Variants in PTPRM observed in about 807,000 individuals in gnomAD.
The protein encoded by PTPRM is receptor-type tyrosine-protein phosphatase mu.
Under a neutral mutation model 186.7 loss-of-function variants are expected in PTPRM, and 47 were observed. The observed-to-expected ratio is 0.25, with a 90% CI of 0.20 to 0.32. The LOEUF is 0.32. Among genes scored for constraint, PTPRM ranks in the 10% least tolerant of loss-of-function variants. PTPRM has a pLI of 1.00. For missense variants in PTPRM, 1,494 were observed against 1,865.0 expected, an observed-to-expected ratio of 0.80 and a Z score of 3.66; for synonymous variants, 668 against 674.9, an observed-to-expected ratio of 0.99 and a Z score of 0.16.
intron 2 of PTPRM, among the ~76,000 whole-genome samples, chr18:7,813,630 C>T (rs1321670159): frequency 6.6e-6 from 1 of 152,036 alleles, no homozygotes; most frequent in African/African-American, 2.4e-5. Context: ...CTTCTCTTAT[C>T]TCTTTAGTTT....
intron 3 of PTPRM, among the ~76,000 whole-genome samples, chr18:7,901,759 G>A (rs554326393): frequency 5.3e-5 from 8 of 152,326 alleles, no homozygotes; most frequent in Non-Finnish European, 1.0e-4. Flanking sequence ...TCAGACTACT[G>A]TATGGCATCT....
At chr18:8,007,349 G>A (rs2147828910) in intron 7 of PTPRM, among the ~76,000 whole-genome samples, 1 of 152,190 alleles carries the variant, frequency 6.6e-6, no homozygotes, top group Non-Finnish European at 1.5e-5. Context: ...GCAGGTAAGA[G>A]AATCATGTGG....
intron 1 of PTPRM, among the ~76,000 whole-genome samples, chr18:7,736,151 G>T (rs1357699898): frequency 6.6e-6 from 1 of 151,888 alleles, no homozygotes; most frequent in Non-Finnish European, 1.5e-5. Context: ...GCTTTTTTTG[G>T]TCAACACTCA....
chr18:7,649,811 T>TGG (rs1460396652), intron 1 of PTPRM, among the ~76,000 whole-genome samples: 1 of 151,810 alleles, frequency 6.6e-6, no homozygotes, highest in African/African-American at 2.4e-5. Flanking sequence ...ATTACCCTCA[T>TGG]CAGCCAGCAG....
chr18:7,913,747 C>T (rs894807686), intron 4 of PTPRM, among the ~76,000 whole-genome samples: 8 of 152,104 alleles, frequency 5.3e-5, no homozygotes, highest in Non-Finnish European at 1.0e-4. Flanking sequence ...ATATATGATG[C>T]CTTCAATTCT....
chr18:8,089,826 G>A (rs558695333), intron 11 of PTPRM, among the ~76,000 whole-genome samples: 17 of 152,092 alleles, frequency 1.1e-4, no homozygotes, highest in African/African-American at 2.7e-4. Flanking sequence ...TGGAGGTTTC[G>A]GTTCATAAAG....
chr18:7,932,756 A>C (rs2051564417), intron 5 of PTPRM, among the ~76,000 whole-genome samples: 1 of 152,136 alleles, frequency 6.6e-6, no homozygotes, highest in Non-Finnish European at 1.5e-5. Context: ...AGAGTTTGGC[A>C]TTTATTATAA....
intron 26 of PTPRM, chr18:8,376,888 A>G: frequency 3.3e-6 from 1 of 307,292 alleles, no homozygotes; most frequent in Non-Finnish European, 6.0e-6. Context: ...TCAGACTTTC[A>G]ATACCATTTC....
At chr18:8,278,634 G>A (rs999377716) in intron 19 of PTPRM, among the ~76,000 whole-genome samples, 1 of 152,120 alleles carries the variant, frequency 6.6e-6, no homozygotes, top group Non-Finnish European at 1.5e-5. Flanking sequence ...GAAGTTATTG[G>A]GTATGTGCAA....
intron 14 of PTPRM, among the ~76,000 whole-genome samples, chr18:8,220,189 T>C (rs745413238): frequency 6.6e-6 from 1 of 152,070 alleles, no homozygotes; most frequent in Non-Finnish European, 1.5e-5. Flanking sequence ...GGGAAGGAGA[T>C]AAAAGATTAG....
chr18:7,934,472 A>G (rs2051680672), intron 5 of PTPRM, among the ~76,000 whole-genome samples: 1 of 152,202 alleles, frequency 6.6e-6, no homozygotes, highest in Non-Finnish European at 1.5e-5. Context: ...AAAGAGGGAA[A>G]CCTTGAGATT....
At chr18:7,732,583 T>A (rs2040683423) in intron 1 of PTPRM, among the ~76,000 whole-genome samples, 1 of 152,194 alleles carries the variant, frequency 6.6e-6, no homozygotes, top group Non-Finnish European at 1.5e-5. Context: ...CATAGCTCAC[T>A]GCAGCCTTTG....
intron 13 of PTPRM, among the ~76,000 whole-genome samples, chr18:8,142,343 C>G (rs1302826463): frequency 1.3e-5 from 2 of 152,130 alleles, no homozygotes; most frequent in Non-Finnish European, 2.9e-5. Context: ...TGACTCACTT[C>G]CTGGGGTCAG....
At chr18:7,729,097 G>A (rs543532742) in intron 1 of PTPRM, among the ~76,000 whole-genome samples, 29 of 152,066 alleles carry the variant, frequency 1.9e-4, no homozygotes, top group Non-Finnish European at 1.5e-4. Flanking sequence ...TTTTTGTAGA[G>A]ACAGGATCTA....
chr18:7,992,145 C>G (rs1201862335), intron 7 of PTPRM, among the ~76,000 whole-genome samples: 1 of 152,060 alleles, frequency 6.6e-6, no homozygotes, highest in Non-Finnish European at 1.5e-5. Context: ...TTATTATAAC[C>G]TCATTCCTGC....
intron 1 of PTPRM, among the ~76,000 whole-genome samples, chr18:7,713,225 TAAG>T (rs1256806219): frequency 6.6e-6 from 1 of 152,132 alleles, no homozygotes; most frequent in Non-Finnish European, 1.5e-5. Context: ...TCAACATTCT[TAAG>T]AAAAGAATTT....
intron 14 of PTPRM, among the ~76,000 whole-genome samples, chr18:8,182,323 A>AC (rs2093587020): frequency 6.6e-6 from 1 of 152,098 alleles, no homozygotes; most frequent in African/African-American, 2.4e-5. Flanking sequence ...CCAAGTGGCA[A>AC]ACATAGTATC....
intron 1 of PTPRM, chr18:7,741,501 A>G (rs2040883946): frequency 1.3e-5 from 2 of 152,198 alleles, no homozygotes; most frequent in African/African-American, 2.4e-5. Flanking sequence ...GTTTTTCTTG[A>G]TGATTTCTAA....
chr18:8,021,858 C>T (rs1474166809), intron 7 of PTPRM, among the ~76,000 whole-genome samples: 1 of 152,118 alleles, frequency 6.6e-6, no homozygotes, highest in Non-Finnish European at 1.5e-5. Flanking sequence ...GCTGGGACTA[C>T]AGGCATGAGC....
Sources: allele counts gnomAD v4.1 joint callset (sites outside exome capture counted in the v4.1 genomes callset), GRCh38; gene constraint gnomAD v4.1.1; transcripts MANE v1.5; gene names NCBI Gene and HGNC (gene_info 2026-07-23, HGNC 2026-07-21).